RPS6KA6: variants seen among roughly 807,000 people sequenced by gnomAD.
The protein encoded by RPS6KA6 is ribosomal protein S6 kinase alpha-6.
A neutral mutation model predicts 65.4 loss-of-function variants in RPS6KA6; 27 were observed. That is an observed-to-expected ratio of 0.41 (90% confidence interval 0.30 to 0.57). The LOEUF (loss-of-function observed/expected upper bound fraction) is 0.57. RPS6KA6 is among the 20% of genes least tolerant of loss of function. The probability of loss-of-function intolerance (pLI) is 0.24; values close to 1 mark genes in which losing one functional copy is unlikely to be tolerated. For synonymous variants in RPS6KA6, 190 were observed against 184.2 expected, an observed-to-expected ratio of 1.03 and a Z score of -0.26; for missense variants, 486 against 555.6, an observed-to-expected ratio of 0.87 and a Z score of 1.26.
chrX:84,069,696 A>T (rs992568645), intron 20 of RPS6KA6, among the ~76,000 whole-genome samples: 1 of 112,308 alleles, frequency 8.9e-6, no homozygotes, highest in Non-Finnish European at 1.9e-5. Flanking sequence ...ACAATCTACA[A>T]GAAACTTAAA....
At position 84,134,884 on chromosome X, in the gene RPS6KA6, A is replaced by G. The variant is rs780285215; in HGVS notation, c.609-65T>C. The G allele has an allele frequency of 8.2e-6, 7 of 850,334 alleles. No homozygotes were observed. In the East Asian group the frequency reaches 2.4e-4, roughly 29 times the overall value. 70.1% of individuals were successfully genotyped at this position (850,334 alleles called of 1,213,427 possible). On this transcript the variant is annotated intron_variant, in intron 7 of 21. Coordinates refer to ENST00000262752, the MANE Select transcript of RPS6KA6 (RefSeq NM_014496.5). Reference sequence around the variant, plus strand: ...TATTTTACATAAAACATTTACATAAAAATCATAAAACTAAGATAGGTCAGT... The same window carrying G: ...TATTTTACATAAAACATTTACATAAGAATCATAAAACTAAGATAGGTCAGT...
chrX:84,068,370 T>G (rs2033451627), intron 20 of RPS6KA6, among the ~76,000 whole-genome samples: 1 of 111,958 alleles, frequency 8.9e-6, no homozygotes, highest in Non-Finnish European at 1.9e-5. Flanking sequence ...TCAATAAAAT[T>G]CAACACTACT....
chrX:84,092,344 C>G (rs1329545369), intron 20 of RPS6KA6, among the ~76,000 whole-genome samples: 2 of 110,920 alleles, frequency 1.8e-5, no homozygotes, highest in Non-Finnish European at 1.9e-5. Context: ...GCAGTGAGGG[C>G]TGGGCACCAT....
intron 1 of RPS6KA6, among the ~76,000 whole-genome samples, chrX:84,177,501 G>A (rs1005932763): frequency 2.7e-5 from 3 of 111,710 alleles, no homozygotes; most frequent in African/African-American, 9.8e-5. Context: ...TCTAGCTCTA[G>A]GGAACCAGCT....
At chrX:84,132,184 A>G (rs747337888) in intron 8 of RPS6KA6, among the ~76,000 whole-genome samples, 14 of 110,835 alleles carry the variant, frequency 1.3e-4, no homozygotes, top group Non-Finnish European at 2.6e-4. Context: ...ACACTTTGGG[A>G]AGCCGTGGCA....
At chrX:84,138,456 G>A (rs916635677) in intron 6 of RPS6KA6, among the ~76,000 whole-genome samples, 4 of 110,981 alleles carry the variant, frequency 3.6e-5, no homozygotes, top group African/African-American at 1.3e-4. Flanking sequence ...GGGAGGCGGA[G>A]GCATGAGGAT....
chrX:84,156,008 G>C (rs1028978239), intron 3 of RPS6KA6, 67 bp downstream of exon 3: 3 of 573,457 alleles, frequency 5.2e-6, no homozygotes, highest in African/African-American at 4.5e-5. Flanking sequence ...AGATTTCTAC[G>C]TATGTGTTCA....
At chrX:84,174,451 G>A in intron 1 of RPS6KA6, among the ~76,000 whole-genome samples, 1 of 111,220 alleles carries the variant, frequency 9.0e-6, no homozygotes, top group Admixed American at 9.6e-5. Context: ...TTTTTTAAAA[G>A]AGTCTCAGAA....
intron 1 of RPS6KA6, among the ~76,000 whole-genome samples, chrX:84,171,217 T>A (rs370358091): frequency 9.0e-6 from 1 of 111,542 alleles, no homozygotes; most frequent in East Asian, 2.8e-4. Flanking sequence ...AGCTGACCCA[T>A]GTGTTGATTA....
chrX:84,113,319 CG>C (rs1372412126), intron 12 of RPS6KA6, among the ~76,000 whole-genome samples: 1 of 111,303 alleles, frequency 9.0e-6, no homozygotes, highest in African/African-American at 3.3e-5. Flanking sequence ...TCTACAAAAC[CG>C]GTATCATCCT....
At chrX:84,116,110 A>G in intron 12 of RPS6KA6, 119 bp downstream of exon 12, 1 of 423,258 alleles carries the variant, frequency 2.4e-6, no homozygotes, top group Non-Finnish European at 3.9e-6. Context: ...AGAAAAAGAA[A>G]AATAAATATG....
At chrX:84,171,702 T>C (rs2035686155) in intron 1 of RPS6KA6, among the ~76,000 whole-genome samples, 1 of 111,824 alleles carries the variant, frequency 8.9e-6, no homozygotes, top group Non-Finnish European at 1.9e-5. Context: ...CTGGGATACA[T>C]GTGATGAACG....
intron 1 of RPS6KA6, among the ~76,000 whole-genome samples, chrX:84,174,810 C>T (rs1210153138): frequency 2.7e-5 from 3 of 111,528 alleles, no homozygotes; most frequent in Non-Finnish European, 5.7e-5. Flanking sequence ...GGGATCTCAT[C>T]ATATTACTCT....
chrX:84,117,571 T>C, intron 9 of RPS6KA6, 117 bp from the exon 10 acceptor site: 3 of 398,780 alleles, frequency 7.5e-6, no homozygotes, highest in Middle Eastern at 1.3e-3. Flanking sequence ...ATCTACATGA[T>C]AGTAGATCAA....
In RPS6KA6 at chrX:84,061,393, T is replaced by C. The variant is rs1287877132; in HGVS notation, c.*2884A>G. The C allele has an allele frequency of 8.9e-6, 1 of 111,911 alleles. No homozygotes were observed. Among genetic ancestry groups the C allele is most frequent in the Non-Finnish European group, 1.9e-5 (1 of 53,064 alleles). 9.2% of individuals were successfully genotyped at this position (111,911 alleles called of 1,213,427 possible). On this transcript the variant is annotated 3_prime_UTR_variant, in exon 22 of 22. Coordinates refer to ENST00000262752, the MANE Select transcript of RPS6KA6 (RefSeq NM_014496.5). ...CCCTTTGAGCCAAACAGAGGTGCTA[T>C]CAAAATTGTTTTATTATATTGAATT...
At chrX:84,170,451 G>A (rs1197559131) in intron 1 of RPS6KA6, among the ~76,000 whole-genome samples, 3 of 109,463 alleles carry the variant, frequency 2.7e-5, no homozygotes, top group African/African-American at 1.0e-4. Context: ...CCAACATAGT[G>A]AAACCCCATC....
chrX:84,100,858 TA>T (rs1382529937), intron 18 of RPS6KA6, among the ~76,000 whole-genome samples: 1 of 111,025 alleles, frequency 9.0e-6, no homozygotes, highest in Non-Finnish European at 1.9e-5. Context: ...TCTCTTATCA[TA>T]AAAAGCTTAT....
intron 1 of RPS6KA6, among the ~76,000 whole-genome samples, chrX:84,169,825 C>A (rs1165677464): frequency 9.0e-6 from 1 of 111,058 alleles, no homozygotes; most frequent in Non-Finnish European, 1.9e-5. Context: ...ATAAATTTGA[C>A]AATATTATAT....
chrX:84,072,532 T>C (rs2053248165), intron 20 of RPS6KA6, among the ~76,000 whole-genome samples: 1 of 111,675 alleles, frequency 9.0e-6, no homozygotes, highest in Non-Finnish European at 1.9e-5. Flanking sequence ...TTATTCAGCA[T>C]AGTTCTGGAA....
Sources: gnomAD v4.1 joint callset for allele counts (sites outside exome capture counted in the v4.1 genomes callset) on GRCh38, gnomAD v4.1.1 for gene constraint, MANE v1.5 for transcripts, NCBI Gene and HGNC (gene_info 2026-07-23, HGNC 2026-07-21) for gene names.